DHRS12: variants seen among roughly 807,000 people sequenced by gnomAD.
The protein encoded by DHRS12 is dehydrogenase/reductase SDR family member 12.
DHRS12 carries 29 observed loss-of-function variants against 32.1 expected under a neutral mutation model. The observed-to-expected ratio is 0.90, with a 90% CI of 0.67 to 1.23. The LOEUF is 1.23. Among genes scored for constraint, DHRS12 ranks in the 50% most tolerant of loss-of-function variants. The pLI is 0.00. For synonymous variants in DHRS12, 150 were observed against 135.9 expected (o/e 1.10, Z -0.72); for missense variants, 330 against 337.2 (o/e 0.98, Z 0.17).
chr13:51,768,114 T>C lies in DHRS12; in HGVS notation c.*73A>G, dbSNP rs1953833499. The C allele has an allele frequency of 1.1e-5, 16 of 1,521,878 alleles. No individual in the cohort carries two copies. Among genetic ancestry groups the C allele is most frequent in the East Asian group, 4.9e-5 (2 of 40,698 alleles). The allele number at this position is 1,521,878 out of a possible 1,614,324, so 94.3% of individuals were successfully genotyped here. On this transcript the variant is annotated 3_prime_UTR_variant, in exon 9 of 9. Transcript: ENST00000444610. ...GGGAAGTTGAAGTGGGGTCTTCTTA[T>C]TCACTGGTCCCTAGACCGCACCTTC...
At chr13:51,778,113 T>G (rs1954531215) in intron 4 of DHRS12, among the ~76,000 whole-genome samples, 1 of 152,196 alleles carries the variant, frequency 6.6e-6, no homozygotes, top group African/African-American at 2.4e-5. Flanking sequence ...TGGAGGTGGA[T>G]CCAGGGGCCT....
At chr13:51,758,387 A>G in the DHRS12 span, 1 of 995,820 alleles carries the variant, frequency 1.0e-6, no homozygotes, top group Non-Finnish European at 1.5e-6. Context: ...GCACTGTTCT[A>G]AAGGTTATCC....
At chr13:51,777,925 C>T (rs1037010054) in intron 4 of DHRS12, among the ~76,000 whole-genome samples, 15 of 152,238 alleles carry the variant, frequency 9.9e-5, no homozygotes, top group African/African-American at 3.6e-4. Flanking sequence ...TTTAAAGCCC[C>T]TTACCCCAAA....
At chr13:51,803,855 G>A (rs1336763915) in intron 1 of DHRS12, 199 bp downstream of exon 1, 2 of 414,414 alleles carry the variant, frequency 4.8e-6, no homozygotes, top group Non-Finnish European at 7.9e-6. Flanking sequence ...CGCGGGCATT[G>A]AGCGGCTGGA....
chr13:51,787,741 T>C (rs1955025632), intron 4 of DHRS12, among the ~76,000 whole-genome samples: 1 of 118,194 alleles, frequency 8.5e-6, no homozygotes, highest in Admixed American at 1.1e-4. Context: ...CATATAATTA[T>C]ATTATATATT....
At chr13:51,784,949 C>T (rs1954883343) in intron 4 of DHRS12, among the ~76,000 whole-genome samples, 1 of 152,212 alleles carries the variant, frequency 6.6e-6, no homozygotes, top group African/African-American at 2.4e-5. Flanking sequence ...TGTAACAAGC[C>T]AGGCGCAGTG....
chr13:51,793,182 T>A (rs2139328050), intron 2 of DHRS12, among the ~76,000 whole-genome samples: 1 of 152,320 alleles, frequency 6.6e-6, no homozygotes, highest in Non-Finnish European at 1.5e-5. Flanking sequence ...GACTAATGGA[T>A]CTTGGCTGTT....
chr13:51,791,901 G>A (rs1330613262), intron 2 of DHRS12, among the ~76,000 whole-genome samples: 1 of 152,216 alleles, frequency 6.6e-6, no homozygotes, highest in African/African-American at 2.4e-5. Context: ...AGCTCCTCCA[G>A]GTTCATCCAT....
At chr13:51,767,875 G>A, downstream of DHRS12, 1 of 552,106 alleles carries the variant, frequency 1.8e-6, no homozygotes, top group Non-Finnish European at 2.4e-6. Flanking sequence ...CATTCCTGCT[G>A]CCCCCACCCC....
intron 2 of DHRS12, among the ~76,000 whole-genome samples, chr13:51,799,052 T>G (rs1050921553): frequency 2.6e-5 from 4 of 152,192 alleles, no homozygotes; most frequent in Admixed American, 6.5e-5. Context: ...TTTAGTTCAA[T>G]GCACTCCTCT....
At chr13:51,787,056 T>C (rs1020646428) in intron 4 of DHRS12, among the ~76,000 whole-genome samples, 33 of 152,210 alleles carry the variant, frequency 2.2e-4, no homozygotes, top group Non-Finnish European at 4.4e-5. Context: ...GCTGCCCCTC[T>C]GTGCTGGCAT....
At chr13:51,769,328 C>T in intron 7 of DHRS12, 35 bp from the exon 8 acceptor site, 1 of 1,417,498 alleles carries the variant, frequency 7.1e-7, no homozygotes, top group Non-Finnish European at 9.3e-7. Flanking sequence ...ATTAGGACAG[C>T]ATTCTCCAGC....
At chr13:51,772,706 C>A (rs1954087403) in intron 6 of DHRS12, 1 of 985,362 alleles carries the variant, frequency 1.0e-6, no homozygotes, top group African/African-American at 1.7e-5. Context: ...GCTGCAGTCA[C>A]ACTATTGCCC....
downstream of DHRS12, chr13:51,765,130 G>A (rs1426735597): frequency 6.6e-6 from 1 of 152,238 alleles, no homozygotes; most frequent in Non-Finnish European, 1.5e-5. Context: ...TGGCCCTGTG[G>A]AGGCAGGAAC....
the DHRS12 span, chr13:51,761,672 G>A: frequency 6.6e-6 from 1 of 152,326 alleles, no homozygotes; most frequent in South Asian, 2.1e-4. Context: ...CTAACTAGGG[G>A]GAAGTACTAC....
chr13:51,789,480 G>A (rs1955159625), intron 4 of DHRS12: 4 of 908,818 alleles, frequency 4.4e-6, no homozygotes, highest in Non-Finnish European at 5.3e-6. Context: ...CTAAGAATGT[G>A]CATGTCTATC....
rs1955887898 is a variant in DHRS12 at position 51,804,133 on chromosome 13, C to T, written c.-88G>A. On this transcript the variant is annotated 5_prime_UTR_variant, in exon 1 of 9. Coordinates refer to ENST00000444610, the MANE Select transcript of DHRS12 (RefSeq NM_001377533.1). ...ATGCCGGGAGCGCCCCACGCCTAGC[C>T]CCACCGCGCTCCCGGCGCGGCCTCC... The T allele has an allele frequency of 1.4e-6, 2 of 1,458,878 alleles. No individual in the cohort carries two copies. The highest frequency in any genetic ancestry group is 1.8e-4 in the Middle Eastern group (1 of 5,488). 90.4% of individuals were successfully genotyped at this position (1,458,878 alleles called of 1,614,324 possible). A position where few individuals can be genotyped will look rare whatever the true frequency, so the allele number is the denominator to read the frequency against.
chr13:51,797,854 C>T (rs1203037393), intron 2 of DHRS12: 2 of 1,535,668 alleles, frequency 1.3e-6, no homozygotes, highest in South Asian at 1.2e-5. Flanking sequence ...GATGATCTCA[C>T]CCCTGGCATC....
chr13:51,789,451 G>A (rs1007339543), intron 4 of DHRS12: 4 of 765,316 alleles, frequency 5.2e-6, no homozygotes, highest in South Asian at 5.9e-5. Context: ...TTCAGATTCT[G>A]TAGATCTGGG....
Sources: allele counts gnomAD v4.1 joint callset (sites outside exome capture counted in the v4.1 genomes callset), GRCh38; gene constraint gnomAD v4.1.1; transcripts MANE v1.5; gene names NCBI Gene and HGNC (gene_info 2026-07-23, HGNC 2026-07-21).